WNT9A: variants seen among roughly 807,000 people sequenced by gnomAD.
WNT9A encodes protein Wnt-9a.
WNT9A carries 8 observed loss-of-function variants against 31.4 expected under a neutral mutation model. The ratio of observed to expected loss-of-function variants is 0.26; its 90% CI spans 0.15 to 0.46. The LOEUF (loss-of-function observed/expected upper bound fraction) is 0.46. WNT9A is among the 20% of genes least tolerant of loss of function. The pLI is 0.99. For missense variants in WNT9A, 457 were observed against 522.9 expected (o/e 0.87, Z 1.23); for synonymous variants, 236 against 220.1 (o/e 1.07, Z -0.64).
chr1:227,938,910 G>A (rs1666644979), intron 1 of WNT9A, among the ~76,000 whole-genome samples: 1 of 152,234 alleles, frequency 6.6e-6, no homozygotes, highest in Non-Finnish European at 1.5e-5. Flanking sequence ...TGAGTGCAGA[G>A]GCAGGGCTGG....
chr1:227,921,478 G>A lies in WNT9A; in HGVS notation c.*40C>T. The A allele has an allele frequency of 6.3e-7, 1 of 1,580,146 alleles. No homozygotes were observed. Among genetic ancestry groups the A allele is most frequent in the Non-Finnish European group, 8.6e-7 (1 of 1,161,818 alleles). ...GTAGACCCTTCACACCGTGTGCAAT[G>A]CCTGCACCCTGTGCAGCAGGGCTGG... On this transcript the variant is annotated 3_prime_UTR_variant, in exon 4 of 4. Transcript: ENST00000272164.
chr1:227,929,535 T>A (rs1210551720), intron 1 of WNT9A, among the ~76,000 whole-genome samples: 2 of 152,232 alleles, frequency 1.3e-5, no homozygotes, highest in African/African-American at 4.8e-5. Flanking sequence ...ACAGGATTAG[T>A]GTCCTTACGG....
At chr1:227,940,271 A>T (rs1666670535) in intron 1 of WNT9A, among the ~76,000 whole-genome samples, 1 of 152,156 alleles carries the variant, frequency 6.6e-6, no homozygotes, top group Admixed American at 6.5e-5. Context: ...GGGCTGCAAG[A>T]CAGGCAACCA....
intron 1 of WNT9A, among the ~76,000 whole-genome samples, chr1:227,937,193 T>C (rs575944293): frequency 5.9e-5 from 9 of 152,358 alleles, no homozygotes; most frequent in Middle Eastern, 3.4e-3. Context: ...TCCCGAGCCT[T>C]GCAGCCATCC....
At chr1:227,927,521 T>G (rs1415935730) in intron 1 of WNT9A, among the ~76,000 whole-genome samples, 1 of 152,116 alleles carries the variant, frequency 6.6e-6, no homozygotes, top group African/African-American at 2.4e-5. Flanking sequence ...GGCGGCACTG[T>G]GGGCATCCAT....
At chr1:227,940,700 A>T (rs1209283775) in intron 1 of WNT9A, among the ~76,000 whole-genome samples, 13 of 152,370 alleles carry the variant, frequency 8.5e-5, no homozygotes. Context: ...TCGCTAAAAA[A>T]AACAAATGCA....
chr1:227,943,427 G>A (rs113467877), intron 1 of WNT9A, among the ~76,000 whole-genome samples: 5 of 152,322 alleles, frequency 3.3e-5, no homozygotes, highest in African/African-American at 1.2e-4. Context: ...ACTAAAAACA[G>A]GCAAAGGAGC....
chr1:227,935,766 T>TAA (rs1666584505), intron 1 of WNT9A, among the ~76,000 whole-genome samples: 1 of 152,242 alleles, frequency 6.6e-6, no homozygotes, highest in African/African-American at 2.4e-5. Context: ...TTATTCCACA[T>TAA]ATTCCCTCTG....
intron 1 of WNT9A, among the ~76,000 whole-genome samples, chr1:227,930,321 G>A (rs1160267509): frequency 3.3e-5 from 5 of 152,304 alleles, no homozygotes; most frequent in East Asian, 1.9e-4. Context: ...ATGTGCATGC[G>A]CGTTTGTGGC....
In WNT9A at chr1:227,925,760, G is replaced by A. The variant is rs570593736; in HGVS notation, c.96-241C>T. Among the ~76,000 whole-genome samples the A allele has an allele frequency of 2.8e-4, 42 of 152,154 alleles. No homozygotes were observed. The highest frequency in any genetic ancestry group is 3.4e-3 in the Middle Eastern group (1 of 294). ...TGACCACAGGGCTGTCTCTGCTGCC[G>A]ACTCGACCCCCACAGTTTCAGGGAG... On this transcript the variant is annotated intron_variant, in intron 1 of 3. Coordinates refer to ENST00000272164, the MANE Select transcript of WNT9A (RefSeq NM_003395.4). This position sits in a 1 kb window ranked among gnomAD's most constrained non-coding sequence, Gnocchi z 6.0.
Position 227,942,283 on chromosome 1 carries a change from C to T in WNT9A, c.95+5510G>A, listed in dbSNP as rs1408488029. 6.6e-6 allele frequency among the ~76,000 whole-genome samples: 1 copy of T among 152,164 alleles called. No homozygotes were observed. The highest frequency in any genetic ancestry group is 1.5e-5 in the Non-Finnish European group (1 of 67,996). ...CTTACCACACACCCTCCACACCCTC[C>T]AGGGAGCCAGGACCCCCAAGCAGGT... On this transcript the variant is annotated intron_variant, in intron 1 of 3. Coordinates refer to ENST00000272164, the MANE Select transcript of WNT9A (RefSeq NM_003395.4). This position sits in a 1 kb window ranked among gnomAD's most constrained non-coding sequence, Gnocchi z 5.7.
chr1:227,938,450 C>G (rs1288153751), intron 1 of WNT9A, among the ~76,000 whole-genome samples: 1 of 151,820 alleles, frequency 6.6e-6, no homozygotes, highest in African/African-American at 2.4e-5. Context: ...CCCATACACA[C>G]AGACACATGC....
chr1:227,933,289 T>A (rs1475143581), intron 1 of WNT9A, among the ~76,000 whole-genome samples: 1 of 152,238 alleles, frequency 6.6e-6, no homozygotes, highest in Non-Finnish European at 1.5e-5. Flanking sequence ...TCCACCTTTT[T>A]TTCTGCAGCT....
intron 1 of WNT9A, among the ~76,000 whole-genome samples, chr1:227,936,354 TA>T (rs1666595360): frequency 6.6e-6 from 1 of 152,098 alleles, no homozygotes; most frequent in East Asian, 1.9e-4. Context: ...CATGCCCAGC[TA>T]ATTTTTTTGT....
rs1244870010 is a variant in WNT9A, at chr1:227,926,202, C to A, written c.96-683G>T. On this transcript the variant is annotated intron_variant, in intron 1 of 3. Coordinates refer to ENST00000272164, the MANE Select transcript of WNT9A (RefSeq NM_003395.4). This position sits in a 1 kb window ranked among gnomAD's most constrained non-coding sequence, Gnocchi z 5.0. The stretch of plus-strand genomic sequence containing the variant: ...TCCTCCTTTGCAGGACAGACCCCAG[C>A]TAACCCATCCCCATAGGCCACCCCT... 6.6e-6 allele frequency among the ~76,000 whole-genome samples: 1 copy of A among 152,116 alleles called. No individual in the cohort carries two copies. The highest frequency in any genetic ancestry group is 2.4e-5 in the African/African-American group (1 of 41,418).
chr1:227,936,085 T>C (rs1425524762), intron 1 of WNT9A, among the ~76,000 whole-genome samples: 1 of 152,218 alleles, frequency 6.6e-6, no homozygotes, highest in African/African-American at 2.4e-5. Context: ...CTCCACCTCC[T>C]GAGGTCGGCA....
rs1364229723 is a variant in WNT9A at position 227,928,874 on chromosome 1, T to C, written c.96-3355A>G. Among the ~76,000 whole-genome samples, 1 of 152,162 alleles carries C rather than the reference T, an allele frequency of 6.6e-6. No homozygotes were observed. The highest frequency in any genetic ancestry group is 2.4e-5 in the African/African-American group (1 of 41,432). On this transcript the variant is annotated intron_variant, in intron 1 of 3. Coordinates refer to ENST00000272164, the MANE Select transcript of WNT9A (RefSeq NM_003395.4). This position sits in a 1 kb window ranked among gnomAD's most constrained non-coding sequence, Gnocchi z 4.5. ...CTGAAAAGTGAATATATTTGACTAC[T>C]TAAAAGTATAAAAATCTCTGCACAG...
intron 1 of WNT9A, among the ~76,000 whole-genome samples, chr1:227,941,005 G>A (rs934228235): frequency 5.9e-5 from 9 of 152,262 alleles, no homozygotes; most frequent in Admixed American, 1.3e-4. Flanking sequence ...CCAGGGTCAC[G>A]TCCCCGCCGG....
chr1:227,934,962 C>G (rs1666567601), intron 1 of WNT9A, among the ~76,000 whole-genome samples: 2 of 151,804 alleles, frequency 1.3e-5, no homozygotes, highest in South Asian at 4.2e-4. Context: ...TGAGTCACAG[C>G]CCCAGTTCAC....
Sources: allele counts gnomAD v4.1 joint callset (sites outside exome capture counted in the v4.1 genomes callset), GRCh38; gene constraint gnomAD v4.1.1; non-coding constraint Gnocchi (gnomAD v3.1); transcripts MANE v1.5; gene names NCBI Gene and HGNC (gene_info 2026-07-23, HGNC 2026-07-21).